Variants in PITRM1 observed in about 807,000 individuals in gnomAD.
PITRM1 encodes the protein presequence protease, mitochondrial.
A neutral mutation model predicts 129.9 loss-of-function variants in PITRM1; 100 were observed. That is an observed-to-expected ratio of 0.77 (90% CI 0.65 to 0.91). The LOEUF is 0.91. PITRM1 is among the 40% of genes least tolerant of loss of function. The pLI is 0.00. For synonymous variants in PITRM1, 591 were observed against 508.8 expected (o/e 1.16, Z -2.17); for missense variants, 1,471 against 1,318.3 (o/e 1.12, Z -1.79).
chr10:3,160,933 G>A (rs1457223401), intron 7 of PITRM1, among the ~76,000 whole-genome samples: 3 of 152,106 alleles, frequency 2.0e-5, no homozygotes, highest in African/African-American at 7.2e-5. Context: ...GCTAATTTTT[G>A]TATTTTTAGT....
At chr10:3,168,380 G>A (rs1042711374) in intron 2 of PITRM1, among the ~76,000 whole-genome samples, 2 of 152,128 alleles carry the variant, frequency 1.3e-5, no homozygotes, top group Non-Finnish European at 2.9e-5. Flanking sequence ...TAGCTTTCAT[G>A]GTAGCTATTT....
intron 4 of PITRM1, 74 bp from the exon 5 acceptor site, chr10:3,165,601 T>G (rs34243276): frequency 0.1 from 89,615 of 875,478 alleles, 5,356 homozygotes; most frequent in Non-Finnish European, 0.13. Context: ...CAAGACTCAT[T>G]CCCCCTTTGT....
intron 7 of PITRM1, among the ~76,000 whole-genome samples, chr10:3,161,829 TAAA>T (rs1842461775): frequency 6.9e-6 from 1 of 144,340 alleles, no homozygotes; most frequent in Admixed American, 7.1e-5. Flanking sequence ...AGAGTGGTAC[TAAA>T]AAACAAAACA....
Position 3,140,735 on chromosome 10 carries a change from C to G in PITRM1, c.2723G>C (p.Gly908Ala). Residue 908 changes from glycine to alanine, a missense_variant, in exon 24 of 27, where the codon GGA becomes GCA. By Grantham distance (60) the Gly-to-Ala change is moderately conservative. Transcript: ENST00000224949. ...CCCATTGTGGCTGAGTTTTGCGCCT[C>G]CACCATAAGCACCGCCTTTTTCTCG... ...EIREKGGAYG[G>A]GAKLSHNGIF... 1 of 1,597,806 alleles carries G rather than the reference C, an allele frequency of 6.3e-7. No homozygotes were observed. Among genetic ancestry groups the G allele is most frequent in the Non-Finnish European group, 8.5e-7 (1 of 1,171,580 alleles).
In PITRM1 at chr10:3,168,523, G is replaced by C. The variant is rs1296160566; in HGVS notation, c.160-1481C>G. Among the ~76,000 whole-genome samples, 5 of 147,958 alleles carry C rather than the reference G, an allele frequency of 3.4e-5. 1 individual carries two copies. The highest frequency in any genetic ancestry group is 6.6e-5 in the Admixed American group (1 of 15,164). On this transcript the variant is annotated intron_variant, in intron 2 of 26. Transcript: ENST00000224949. ...CCCCACCCAAATCTCATCTTGAATT[G>C]TAGTTTCCATAATCCCCACATGTTG...
intron 3 of PITRM1, among the ~76,000 whole-genome samples, chr10:3,166,633 A>AT (rs1416055073): frequency 6.6e-6 from 1 of 152,238 alleles, no homozygotes; most frequent in Non-Finnish European, 1.5e-5. Context: ...GTGAGATGAT[A>AT]TTTTAAACCA....
rs192575623 is a variant in PITRM1, at chr10:3,151,040, G to A, written c.1738+207C>T. 398 of 518,014 alleles carry A rather than the reference G, an allele frequency of 7.7e-4. 6 individuals are homozygous for A. In the South Asian group the frequency reaches 9.3e-3, roughly 12 times the overall value. The allele number at this position is 518,014 out of a possible 1,614,324, so 32.1% of individuals were successfully genotyped here. A position where few individuals can be genotyped will look rare whatever the true frequency, so the allele number is the denominator to read the frequency against. On this transcript the variant is annotated intron_variant, in intron 15 of 26. Coordinates refer to ENST00000224949, the MANE Select transcript of PITRM1 (RefSeq NM_014889.4). ...CCCTCTCAGGAACACACACACACAC[G>A]GGCTCTTACTGAGTGAAGGAGTCTA...
In PITRM1 at chr10:3,140,785, A is replaced by G. The variant is rs866371733; in HGVS notation, c.2673T>C (p.Thr891=). The change falls in exon 24 of 27, where the codon ACT becomes ACC. Residue 891 remains threonine (T), a synonymous_variant. Coordinates refer to ENST00000224949, the MANE Select transcript of PITRM1 (RefSeq NM_014889.4). ...ASLKILARLM[T]AKFLHTEIRE... is the part of the protein sequence containing the mutation. Reference sequence around the variant, plus strand: ...GAATTTCTGTATGCAAGAATTTGGCAGTCATCAAACGTGCAAGGATTTTAA... The same window carrying G: ...GAATTTCTGTATGCAAGAATTTGGCGGTCATCAAACGTGCAAGGATTTTAA... The G allele has an allele frequency of 4.4e-6, 7 of 1,589,442 alleles. 1 individual carries two copies. The Middle Eastern group carries it at 1.2e-3, about 263-fold the overall frequency.
chr10:3,154,008 A>G (rs1305524026), intron 14 of PITRM1, among the ~76,000 whole-genome samples: 1 of 152,190 alleles, frequency 6.6e-6, no homozygotes, highest in Non-Finnish European at 1.5e-5. Context: ...GGGCCTTTCT[A>G]GCACCCCAAA....
rs180725026 is a variant in PITRM1 at position 3,172,418 on chromosome 10, C to T, written c.56+299G>A. On this transcript the variant is annotated intron_variant, in intron 1 of 26. Transcript: ENST00000224949. ...GTCAGCGAGAACCGCAAATGCCGAC[C>T]CCATTTACTACCCCCGTTAAAGCCC... Among the ~76,000 whole-genome samples, 29 of 152,362 alleles carry T rather than the reference C, an allele frequency of 1.9e-4. No individual in the cohort carries two copies. The East Asian group carries it at 3.1e-3, about 16-fold the overall frequency.
Position 3,165,511 on chromosome 10 carries a change from C to G in PITRM1, c.435G>C (p.Leu145=), listed in dbSNP as rs754414142. The G allele has an allele frequency of 6.3e-7, 1 of 1,598,446 alleles. No individual in the cohort carries two copies. Among genetic ancestry groups the G allele is most frequent in the African/African-American group, 1.3e-5 (1 of 74,600 alleles). ...MNAFTASDYT[L]YPFSTQNPKD... is the part of the protein sequence containing the mutation. The stretch of plus-strand genomic sequence containing the variant: ...TGGGATTTTGTGTGGAAAATGGATA[C>G]AGAGTATAATCACTAGCTGGGTACA... The change falls in exon 5 of 27, where the codon CTG becomes CTC. Residue 145 remains leucine, a synonymous_variant. Coordinates refer to ENST00000224949, the MANE Select transcript of PITRM1 (RefSeq NM_014889.4).
At chr10:3,155,144 G>A (rs542823302) in intron 14 of PITRM1, among the ~76,000 whole-genome samples, 15 of 152,058 alleles carry the variant, frequency 9.9e-5, no homozygotes, top group African/African-American at 2.2e-4. Context: ...CATGCCCACC[G>A]CTCCACCATC....
intron 4 of PITRM1, 34 bp from the exon 5 acceptor site, chr10:3,165,561 T>C: frequency 8.3e-7 from 1 of 1,210,010 alleles, no homozygotes; most frequent in East Asian, 2.4e-5. Flanking sequence ...TTGTAAAATA[T>C]AACAGATTTC....
chr10:3,166,685 G>A (rs550818627), intron 3 of PITRM1, among the ~76,000 whole-genome samples: 129 of 152,264 alleles, frequency 8.5e-4, no homozygotes, highest in South Asian at 8.3e-4. Flanking sequence ...TGTCCAACCC[G>A]CAGCCTGCAG....
intron 6 of PITRM1, 47 bp downstream of exon 6, chr10:3,165,191 A>C: frequency 7.8e-7 from 1 of 1,280,134 alleles, no homozygotes; most frequent in South Asian, 1.4e-5. Context: ...GATATTGTAC[A>C]TGGGAAAGGT....
intron 7 of PITRM1, 53 bp from the exon 8 acceptor site, chr10:3,160,383 T>A (rs888670332): frequency 7.0e-7 from 1 of 1,418,928 alleles, no homozygotes; most frequent in African/African-American, 1.4e-5. Context: ...AGATGTGAGA[T>A]CAAGTGCTGT....
At chr10:3,143,148 T>C (rs1840433235) in intron 23 of PITRM1, 5 of 535,762 alleles carry the variant, frequency 9.3e-6, no homozygotes, top group South Asian at 2.1e-5. Flanking sequence ...ATCTGTATTG[T>C]TCATAGGACT....
intron 24 of PITRM1, among the ~76,000 whole-genome samples, chr10:3,139,643 C>G (rs1839981171): frequency 6.6e-6 from 1 of 152,208 alleles, no homozygotes; most frequent in South Asian, 2.1e-4. Flanking sequence ...ACGTATCTAC[C>G]TACATGCCTG....
rs945946633 is a variant in PITRM1, at chr10:3,172,718, C to T, written c.55G>A (p.Gly19Arg). The change falls in exon 1 of 27, where the codon GGA becomes AGA. Residue 19 changes from glycine (G) to arginine (R), a missense_variant and splice_region_variant. Coordinates refer to ENST00000224949, the MANE Select transcript of PITRM1 (RefSeq NM_014889.4). Reference protein sequence around the residue: ...GLCVLRRLSGGHAHHRAWRWN... With the variant: ...GLCVLRRLSGRHAHHRAWRWN... Reference sequence around the variant, plus strand: ...GCGCCTCCCGTCGCAGCGTCTCACCCGCCGCTCAGCCGCCTCAGCACACAC... The same window carrying T: ...GCGCCTCCCGTCGCAGCGTCTCACCTGCCGCTCAGCCGCCTCAGCACACAC... 18 of 1,541,054 alleles carry T rather than the reference C, an allele frequency of 1.2e-5. No individual in the cohort carries two copies. Among genetic ancestry groups the T allele is most frequent in the African/African-American group, 2.8e-5 (2 of 72,246 alleles).
Sources: gnomAD v4.1 joint callset for allele counts (sites outside exome capture counted in the v4.1 genomes callset) on GRCh38, gnomAD v4.1.1 for gene constraint, MANE v1.5 for transcripts, NCBI Gene and HGNC (gene_info 2026-07-23, HGNC 2026-07-21) for gene names.